Variants in PCDHGA4 observed in about 807,000 individuals in gnomAD.
The protein encoded by PCDHGA4 is protocadherin gamma-A4.
A neutral mutation model predicts 54.6 loss-of-function variants in PCDHGA4; 38 were observed. That is an observed-to-expected ratio of 0.70 (90% CI 0.54 to 0.91). The LOEUF is 0.91. Ranked by LOEUF, PCDHGA4 falls within the 40% of genes least tolerant of loss-of-function variation. The pLI is 0.00. For synonymous variants in PCDHGA4, 511 were observed against 512.9 expected (o/e 1.00, Z 0.05); for missense variants, 1,298 against 1,220.9 (o/e 1.06, Z -0.94).
intron 1 of PCDHGA4, chr5:141,413,439 G>A (rs747331348): frequency 1.1e-4 from 179 of 1,613,988 alleles, no homozygotes; most frequent in Non-Finnish European, 1.4e-4. Flanking sequence ...GCGGCAGCTT[G>A]ATCACCGCGG....
chr5:141,437,831 G>C (rs923199746), intron 1 of PCDHGA4, among the ~76,000 whole-genome samples: 16 of 151,256 alleles, frequency 1.1e-4, no homozygotes, highest in African/African-American at 3.4e-4. Flanking sequence ...TCTGCCTCCT[G>C]GGTTCATGCT....
At chr5:141,400,232 C>CT (rs1207022796) in intron 1 of PCDHGA4, 6 of 1,613,914 alleles carry the variant, frequency 3.7e-6, no homozygotes, top group African/African-American at 1.3e-5. Context: ...TTCCTCCTGG[C>CT]CGTGATTCTG....
intron 1 of PCDHGA4, chr5:141,478,305 C>T (rs775282798): frequency 2.5e-6 from 4 of 1,614,092 alleles, no homozygotes; most frequent in East Asian, 2.2e-5. Flanking sequence ...TACCGAGCCC[C>T]GGTGAGCTCA....
intron 1 of PCDHGA4, chr5:141,409,037 T>G (rs770619339): frequency 1.2e-6 from 2 of 1,613,992 alleles, no homozygotes; most frequent in South Asian, 2.2e-5. Context: ...TGAGATAAAC[T>G]ACTACTTCCG....
chr5:141,415,389 T>A lies in PCDHGA4; in HGVS notation c.2514+57768T>A, dbSNP rs1282535508. On this transcript the variant is annotated intron_variant, in intron 1 of 3. Transcript: ENST00000571252. ...AGGCTTCAGGAGGCGGCTTGACAGG[T>A]GTGTCCGGCTCGCACTTTGTGGGCG... 9.3e-6 allele frequency: 15 copies of A among 1,614,162 alleles called. No individual in the cohort carries two copies. The East Asian group carries it at 2.5e-4, about 26-fold the overall frequency.
chr5:141,365,394 C>A (rs1245270195), intron 1 of PCDHGA4: 2 of 1,613,822 alleles, frequency 1.2e-6, no homozygotes, highest in Admixed American at 1.7e-5. Context: ...CTGACCAGTT[C>A]GATCTCTGAA....
intron 1 of PCDHGA4, chr5:141,371,926 G>A (rs766218641): frequency 2.5e-6 from 4 of 1,613,370 alleles, no homozygotes; most frequent in East Asian, 4.5e-5. Context: ...AGCGCGCGGA[G>A]CGGGGTGGTG....
intron 1 of PCDHGA4, among the ~76,000 whole-genome samples, chr5:141,429,664 ATTATT>A (rs2097234085): frequency 6.6e-6 from 1 of 152,214 alleles, no homozygotes; most frequent in Non-Finnish European, 1.5e-5. Context: ...TTTAAAATAT[ATTATT>A]TTATTTTATG....
intron 2 of PCDHGA4, among the ~76,000 whole-genome samples, chr5:141,498,956 AGAGG>A (rs1198207839): frequency 1.1e-4 from 14 of 124,162 alleles, no homozygotes; most frequent in East Asian, 2.7e-4. Context: ...AAAAAGAGAG[AGAGG>A]GAGGGAGGGA....
intron 1 of PCDHGA4, chr5:141,366,161 G>T (rs1242007246): frequency 6.2e-7 from 1 of 1,613,974 alleles, no homozygotes; most frequent in African/African-American, 1.3e-5. Flanking sequence ...CCTGCTTAAG[G>T]CCAGCGAGCC....
chr5:141,356,527 A>T lies in PCDHGA4; in HGVS notation c.1420A>T (p.Met474Leu). 1 of 1,614,104 alleles carries T rather than the reference A, an allele frequency of 6.2e-7. No homozygotes were observed. The highest frequency in any genetic ancestry group is 8.5e-7 in the Non-Finnish European group (1 of 1,179,956). The stretch of plus-strand genomic sequence containing the variant: ...AGAAACTCATATTTCACTGCAAGTG[A>T]TGGACATCAATGACAACCCACCCAC... ...STETHISLQV[M>L]DINDNPPTFP... The change falls in exon 1 of 4, where the codon ATG becomes TTG. Residue 474 changes from methionine to leucine, a missense_variant. Met to Leu is a conservative substitution (Grantham distance 15). Transcript: ENST00000571252.
At chr5:141,455,740 G>C (rs2098830344) in intron 1 of PCDHGA4, among the ~76,000 whole-genome samples, 1 of 152,136 alleles carries the variant, frequency 6.6e-6, no homozygotes, top group Non-Finnish European at 1.5e-5. Context: ...GCATATCAAA[G>C]GTTGCTGGCC....
At chr5:141,370,902 T>A in intron 1 of PCDHGA4, 1 of 1,614,046 alleles carries the variant, frequency 6.2e-7, no homozygotes, top group South Asian at 1.1e-5. Flanking sequence ...GCTGCAGCAG[T>A]ACTACCTCAG....
chr5:141,454,796 ATTTTTT>A (rs61612330), intron 1 of PCDHGA4, among the ~76,000 whole-genome samples: 41 of 77,454 alleles, frequency 5.3e-4, no homozygotes, highest in African/African-American at 1.7e-3. Context: ...CATGGTTCTA[ATTTTTT>A]TTTTTTTTTT....
chr5:141,386,746 C>A (rs2090695980), intron 1 of PCDHGA4, among the ~76,000 whole-genome samples: 1 of 152,144 alleles, frequency 6.6e-6, no homozygotes, highest in Non-Finnish European at 1.5e-5. Context: ...GATCCTATGG[C>A]AGAACTACGG....
chr5:141,391,873 T>G (rs1023590638), intron 1 of PCDHGA4: 2 of 152,216 alleles, frequency 1.3e-5, no homozygotes, highest in African/African-American at 4.8e-5. Flanking sequence ...TAATCATCTC[T>G]TTGGTGAAAG....
At chr5:141,407,032 CAT>C (rs2094880022) in intron 1 of PCDHGA4, among the ~76,000 whole-genome samples, 1 of 152,174 alleles carries the variant, frequency 6.6e-6, no homozygotes, top group African/African-American at 2.4e-5. Flanking sequence ...CTATGCTAAA[CAT>C]GTGATCCATA....
rs531285035 is a variant in PCDHGA4, at chr5:141,493,409, C to T, written c.2515-1398C>T. Among the ~76,000 whole-genome samples, 4 of 152,286 alleles carry T rather than the reference C, an allele frequency of 2.6e-5. No homozygotes were observed. The East Asian group carries it at 7.7e-4, about 29-fold the overall frequency. On this transcript the variant is annotated intron_variant, in intron 1 of 3. Coordinates refer to ENST00000571252, the MANE Select transcript of PCDHGA4 (RefSeq NM_018917.4). The surrounding 1 kb of genome is among the most constrained non-coding windows in gnomAD (Gnocchi z 4.3). Reference sequence around the variant, plus strand: ...GGACAGGAGAGGGGAGTTGCCTCTGCTGGGATTTTGCTTCTGCTGGGATGG... The same window carrying T: ...GGACAGGAGAGGGGAGTTGCCTCTGTTGGGATTTTGCTTCTGCTGGGATGG...
rs2734872 is a variant in PCDHGA4 at position 141,474,454 on chromosome 5, C to T, written c.2515-20353C>T. On this transcript the variant is annotated intron_variant, in intron 1 of 3. Transcript: ENST00000571252. ...ACACTTTGAGTAGCAAGTGATTGGG[C>T]TATACTCTTTATTCTAAATTCTAAA... Among the ~76,000 whole-genome samples, 6 of 152,308 alleles carry T rather than the reference C, an allele frequency of 3.9e-5. No individual in the cohort carries two copies. The East Asian group carries it at 1.2e-3, about 29-fold the overall frequency.
Sources: allele counts gnomAD v4.1 joint callset (sites outside exome capture counted in the v4.1 genomes callset), GRCh38; gene constraint gnomAD v4.1.1; non-coding constraint Gnocchi (gnomAD v3.1); transcripts MANE v1.5; gene names NCBI Gene and HGNC (gene_info 2026-07-23, HGNC 2026-07-21).